Variants in CCND3 observed in about 807,000 individuals in gnomAD.
The protein encoded by CCND3 is G1/S-specific cyclin-D3.
CCND3 carries 9 observed loss-of-function variants against 28.7 expected under a neutral mutation model. The ratio of observed to expected loss-of-function variants is 0.31; its 90% CI spans 0.19 to 0.55. The LOEUF is 0.55. Ranked by LOEUF, CCND3 falls within the 20% of genes least tolerant of loss-of-function variation. The probability of loss-of-function intolerance (pLI) is 0.93; values close to 1 mark genes in which losing one functional copy is unlikely to be tolerated. For synonymous variants in CCND3, 164 were observed against 163.9 expected, an observed-to-expected ratio of 1.00 and a Z score of 0.00; for missense variants, 315 against 385.8, an observed-to-expected ratio of 0.82 and a Z score of 1.54.
rs899313931 is a variant in CCND3 at position 42,044,757 on chromosome 6, ATCTTTTCTT to A, written c.-46+3735_-46+3743del. On this transcript the variant is annotated intron_variant, in intron 1 of 4. Coordinates refer to the CCND3 transcript ENST00000372988. The stretch of plus-strand genomic sequence containing the variant: ...TCCTGCATCTTTTTTTAACTTGGCT[ATCTTTTCTT>A]TCTTTTCTTTCTTTCCTTTTATTTA... 1.3e-3 allele frequency among the ~76,000 whole-genome samples: 182 copies of A among 143,244 alleles called. 2 individuals carry two copies. The highest frequency in any genetic ancestry group is 4.5e-3 in the African/African-American group (168 of 37,314). 94.0% of individuals were successfully genotyped at this position (143,244 alleles called of 152,430 possible).
chr6:41,945,689 CAG>C (rs769322418), upstream of CCND3, among the ~76,000 whole-genome samples: 2 of 152,196 alleles, frequency 1.3e-5, no homozygotes, highest in African/African-American at 4.8e-5. Context: ...GTTCTGGAGT[CAG>C]AGACTGCTTT....
At chr6:41,970,726 C>G (rs1229083922) in intron 1 of CCND3, among the ~76,000 whole-genome samples, 1 of 152,166 alleles carries the variant, frequency 6.6e-6, no homozygotes, top group African/African-American at 2.4e-5. Flanking sequence ...TGCGCTTCCA[C>G]GTGGGGAAAG....
rs112110003 is a variant in CCND3, at chr6:42,037,245, G to GTT, written c.-46+11254_-46+11255dup. Among the ~76,000 whole-genome samples, 79 of 126,616 alleles carry GTT rather than the reference G, an allele frequency of 6.2e-4. 1 individual carries two copies. The highest frequency in any genetic ancestry group is 2.0e-3 in the African/African-American group (73 of 35,744). The allele number at this position is 126,616 out of a possible 152,430, so 83.1% of individuals were successfully genotyped here. A position where few individuals can be genotyped will look rare whatever the true frequency, so the allele number is the denominator to read the frequency against. ...GTGAGCCACTGTGCCCGGCCGTTTTGTTTTTTTTTTTAAGACGGAGTCTCG... is the reference window on the plus strand; with the variant it reads ...GTGAGCCACTGTGCCCGGCCGTTTTGTTTTTTTTTTTTTAAGACGGAGTCTCG... On this transcript the variant is annotated intron_variant, in intron 1 of 4. Transcript: ENST00000372988.
At chr6:41,949,275 C>T (rs1202480999) in intron 1 of CCND3, among the ~76,000 whole-genome samples, 2 of 151,934 alleles carry the variant, frequency 1.3e-5, no homozygotes, top group South Asian at 2.1e-4. Context: ...TGAGGCCAGT[C>T]GTTCAAGACC....
intron 1 of CCND3, among the ~76,000 whole-genome samples, chr6:42,037,314 T>G (rs1325826466): frequency 6.7e-6 from 1 of 149,146 alleles, no homozygotes; most frequent in Non-Finnish European, 1.5e-5. Flanking sequence ...CTCGGCTCAC[T>G]GCAACCTCTG....
upstream of CCND3, among the ~76,000 whole-genome samples, chr6:41,946,151 A>G (rs557353022): frequency 3.0e-3 from 460 of 152,290 alleles, 4 homozygotes; most frequent in African/African-American, 0.011. Context: ...TCTGTGCCTC[A>G]GTTTCCTTTT....
At position 41,997,815 on chromosome 6, in the gene CCND3, T is replaced by C. The variant is rs778866249; in HGVS notation, c.-46+50686A>G. On this transcript the variant is annotated intron_variant, in intron 1 of 4. Transcript: ENST00000372988. ...GGGATGTAGAGATTAAATCCAATCATCTCTAAGGTCCATTCCCAACTGGAA... is the reference window on the plus strand; with the variant it reads ...GGGATGTAGAGATTAAATCCAATCACCTCTAAGGTCCATTCCCAACTGGAA... 4.0e-5 allele frequency among the ~76,000 whole-genome samples: 6 copies of C among 151,548 alleles called. No individual in the cohort carries two copies. The East Asian group carries it at 1.2e-3, about 29-fold the overall frequency.
At chr6:42,004,222 C>T (rs946678166) in intron 1 of CCND3, among the ~76,000 whole-genome samples, 8 of 151,610 alleles carry the variant, frequency 5.3e-5, no homozygotes, top group Admixed American at 3.3e-4. Flanking sequence ...CACTCAGCCT[C>T]TCCAGTAGCT....
Position 42,048,941 on chromosome 6 carries a change from G to A in CCND3, c.-486C>T. The A allele has an allele frequency of 4.7e-6, 1 of 212,898 alleles. No homozygotes were observed. The highest frequency in any genetic ancestry group is 6.4e-5 in the South Asian group (1 of 15,514). The allele number at this position is 212,898 out of a possible 1,614,324, so 13.2% of individuals were successfully genotyped here. On this transcript the variant is annotated 5_prime_UTR_variant, in exon 1 of 5. Transcript: ENST00000372988. This position sits in a 1 kb window ranked among gnomAD's most constrained non-coding sequence, Gnocchi z 4.7. ...GGCTCAGGTGTGGGCGGCGGGGCCG[G>A]GGCAGCACGGGTTCCCGGACCGCTG... is the stretch of plus-strand genomic sequence containing the variant.
intron 1 of CCND3, among the ~76,000 whole-genome samples, chr6:41,965,750 G>A (rs373254342): frequency 6.6e-6 from 1 of 152,088 alleles, no homozygotes; most frequent in East Asian, 1.9e-4. Context: ...TGGCCCAAGC[G>A]CCCTCCCACC....
chr6:42,043,811 C>G (rs572980640), intron 1 of CCND3, among the ~76,000 whole-genome samples: 2 of 152,200 alleles, frequency 1.3e-5, no homozygotes, highest in Non-Finnish European at 2.9e-5. Context: ...TCTGGGCCAA[C>G]GACGGAGGTA....
chr6:42,026,978 T>C lies in CCND3; in HGVS notation c.-46+21523A>G, dbSNP rs144132761. 8.3e-3 allele frequency among the ~76,000 whole-genome samples: 1,270 copies of C among 152,320 alleles called. 15 individuals carry two copies. Among genetic ancestry groups the C allele is most frequent in the African/African-American group, 0.028 (1,156 of 41,566 alleles). ...TTGCTAAGCCACTCTTGTTGGAGTC[T>C]GTGTTACAGCAGCCTAACCTCCCCT... On this transcript the variant is annotated intron_variant, in intron 1 of 4. Transcript: ENST00000372988.
At chr6:42,011,350 C>T (rs1237767010) in intron 1 of CCND3, among the ~76,000 whole-genome samples, 2 of 152,086 alleles carry the variant, frequency 1.3e-5, no homozygotes, top group Non-Finnish European at 2.9e-5. Flanking sequence ...GTCTCAAACT[C>T]CTGGCCTCCA....
intron 1 of CCND3, among the ~76,000 whole-genome samples, chr6:42,026,847 G>A (rs906831790): frequency 6.6e-6 from 1 of 152,178 alleles, no homozygotes; most frequent in East Asian, 1.9e-4. Context: ...AGCAGCCATG[G>A]TGGGATGCCA....
At chr6:41,967,035 C>A (rs541884419) in intron 1 of CCND3, among the ~76,000 whole-genome samples, 2 of 152,226 alleles carry the variant, frequency 1.3e-5, no homozygotes, top group Admixed American at 1.3e-4. Context: ...GCCGGCTAAC[C>A]ATAGGTCGAA....
rs762395134 is a variant in CCND3 at position 41,940,393 on chromosome 6, C to T, written c.391G>A (p.Ala131Thr). 1.9e-6 allele frequency: 3 copies of T among 1,613,890 alleles called. No individual in the cohort carries two copies. The highest frequency in any genetic ancestry group is 1.3e-5 in the African/African-American group (1 of 74,886). Residue 131 changes from alanine to threonine, a missense_variant, in exon 2 of 5, where the codon GCT (alanine) becomes ACT (threonine). By Grantham distance (58) the Ala-to-Thr change is moderately conservative. Transcript: ENST00000372991. ...IEKLCIYTDH[A>T]VSPRQLRDWE... ...ACCCGCAACTGGCGGGGAGAGACAGCGTGGTCGGTGTAGATGCACAGTTTT... is the reference window on the plus strand; with the variant it reads ...ACCCGCAACTGGCGGGGAGAGACAGTGTGGTCGGTGTAGATGCACAGTTTT...
At chr6:41,964,483 T>A (rs56166711) in intron 1 of CCND3, among the ~76,000 whole-genome samples, 1,643 of 102,966 alleles carry the variant, frequency 0.016, 39 homozygotes, top group African/African-American at 0.074. Context: ...TGAGTGTGTG[T>A]GAATGTGTGT....
At chr6:41,959,850 G>T (rs895183122) in intron 1 of CCND3, among the ~76,000 whole-genome samples, 1 of 151,874 alleles carries the variant, frequency 6.6e-6, no homozygotes, top group African/African-American at 2.4e-5. Flanking sequence ...CAGCTGCTTG[G>T]GAGGCTGAGG....
At chr6:41,997,143 A>G (rs1240999656) in intron 1 of CCND3, among the ~76,000 whole-genome samples, 1 of 152,160 alleles carries the variant, frequency 6.6e-6, no homozygotes, top group Non-Finnish European at 1.5e-5. Context: ...TGATGATCTA[A>G]TACTCTCTTC....
Sources: allele counts gnomAD v4.1 joint callset (sites outside exome capture counted in the v4.1 genomes callset), GRCh38; gene constraint gnomAD v4.1.1; non-coding constraint Gnocchi (gnomAD v3.1); transcripts MANE v1.5; gene names NCBI Gene and HGNC (gene_info 2026-07-23, HGNC 2026-07-21).